SNX6: variants seen among roughly 807,000 people sequenced by gnomAD.
SNX6 encodes sorting nexin 6.
Under a neutral mutation model 63.0 loss-of-function variants are expected in SNX6, and 34 were observed. That is an observed-to-expected ratio of 0.54 (90% CI 0.41 to 0.72). The LOEUF is 0.72. Ranked by LOEUF, SNX6 falls within the 30% of genes least tolerant of loss-of-function variation. The pLI, the probability that SNX6 is intolerant of heterozygous loss-of-function variation, is 0.00. For synonymous variants in SNX6, 170 were observed against 164.2 expected (o/e 1.04, Z -0.27); for missense variants, 398 against 471.4 (o/e 0.84, Z 1.44).
rs555643409 is a variant in SNX6 at position 34,574,428 on chromosome 14, T to A, written c.921+1328A>T. ...ACTTTGGGAGGCCAAGGCATGCAGATCACCTGAGGTCAGGAGTTCGAGACC... is the reference window on the plus strand; with the variant it reads ...ACTTTGGGAGGCCAAGGCATGCAGAACACCTGAGGTCAGGAGTTCGAGACC... On this transcript the variant is annotated intron_variant, in intron 11 of 13. Coordinates refer to ENST00000362031, the MANE Select transcript of SNX6 (RefSeq NM_152233.4). Among the ~76,000 whole-genome samples, 5 of 148,428 alleles carry A rather than the reference T, an allele frequency of 3.4e-5. No individual in the cohort carries two copies. The East Asian group carries it at 1.0e-3, about 30-fold the overall frequency.
chr14:34,629,874 G>C (rs1274163642), intron 2 of SNX6, 33 bp downstream of exon 2: 1 of 1,551,756 alleles, frequency 6.4e-7, no homozygotes, highest in African/African-American at 1.4e-5. Context: ...GGAGGGTCCA[G>C]GGTCCCGCGA....
At chr14:34,568,103 C>G in intron 11 of SNX6, 90 bp from the exon 12 acceptor site, 1 of 1,082,814 alleles carries the variant, frequency 9.2e-7, no homozygotes. Context: ...CCACAACCAT[C>G]AGAGCTAACA....
intron 2 of SNX6, chr14:34,629,598 C>T (rs1883961164): frequency 4.7e-6 from 3 of 636,846 alleles, no homozygotes; most frequent in East Asian, 3.2e-5. Context: ...TGGGGGCGTT[C>T]CATCTCCCGC....
chr14:34,606,287 A>G (rs1883016400), intron 4 of SNX6, among the ~76,000 whole-genome samples: 1 of 150,350 alleles, frequency 6.7e-6, no homozygotes, highest in African/African-American at 2.5e-5. Context: ...CGCCCAACTA[A>G]TTTTTGTATT....
intron 2 of SNX6, among the ~76,000 whole-genome samples, chr14:34,610,554 T>G (rs1011928337): frequency 6.6e-6 from 1 of 152,104 alleles, no homozygotes; most frequent in Non-Finnish European, 1.5e-5. Context: ...TCAAATATAA[T>G]TAAACATATT....
At chr14:34,566,942 G>C (rs977876778) in intron 13 of SNX6, among the ~76,000 whole-genome samples, 6 of 152,118 alleles carry the variant, frequency 3.9e-5, no homozygotes, top group Admixed American at 1.3e-4. Flanking sequence ...AAAAAACCTG[G>C]CCGGGCATGG....
rs1049210614 is a variant in SNX6, at chr14:34,601,177, A to G, written c.516+2171T>C. Reference sequence around the variant, plus strand: ...TCCACAAGGCTTCGGAAGACTCCAAACTCAAATTTAAGAAACATTAGTCAA... The same window carrying G: ...TCCACAAGGCTTCGGAAGACTCCAAGCTCAAATTTAAGAAACATTAGTCAA... On this transcript the variant is annotated intron_variant, in intron 6 of 13. Coordinates refer to ENST00000362031, the MANE Select transcript of SNX6 (RefSeq NM_152233.4). 1.3e-4 allele frequency among the ~76,000 whole-genome samples: 19 copies of G among 151,976 alleles called. 1 individual carries two copies. In the East Asian group the frequency reaches 3.3e-3, roughly 26 times the overall value.
At position 34,593,059 on chromosome 14, in the gene SNX6, G is replaced by T; in HGVS notation, c.704C>A (p.Thr235Lys). The T allele has an allele frequency of 6.3e-7, 1 of 1,595,720 alleles. No homozygotes were observed. The highest frequency in any genetic ancestry group is 8.5e-7 in the Non-Finnish European group (1 of 1,172,180). ...KDASAKSDRM[T>K]RSHKSAADDY... ...AAAAATCTTACTTTTGTGGGATCTTGTCATTCTATCAGATTTAGCAGATGC... is the reference window on the plus strand; with the variant it reads ...AAAAATCTTACTTTTGTGGGATCTTTTCATTCTATCAGATTTAGCAGATGC... The change falls in exon 8 of 14, where the codon ACA becomes AAA. Residue 235 changes from threonine (T) to lysine (K), a missense_variant. Physicochemically the swap from Thr to Lys is moderately conservative, Grantham distance 78. Transcript: ENST00000362031.
chr14:34,571,173 T>C (rs978198653), intron 11 of SNX6, among the ~76,000 whole-genome samples: 15 of 151,668 alleles, frequency 9.9e-5, no homozygotes, highest in Non-Finnish European at 1.9e-4. Context: ...GTGGCTCACG[T>C]CTGTAATCCC....
chr14:34,617,550 G>A (rs1014158786), intron 2 of SNX6, among the ~76,000 whole-genome samples: 16 of 148,316 alleles, frequency 1.1e-4, no homozygotes, highest in Admixed American at 4.8e-4. Flanking sequence ...TGAGGCTGCC[G>A]TGGGCTGTGA....
At chr14:34,599,845 A>G (rs998354113) in intron 6 of SNX6, among the ~76,000 whole-genome samples, 1 of 151,650 alleles carries the variant, frequency 6.6e-6, no homozygotes, top group Non-Finnish European at 1.5e-5. Context: ...CCCTTCATCC[A>G]AACAGTCTTT....
intron 2 of SNX6, among the ~76,000 whole-genome samples, chr14:34,618,013 G>T (rs1048576438): frequency 6.6e-6 from 1 of 151,938 alleles, no homozygotes; most frequent in Non-Finnish European, 1.5e-5. Flanking sequence ...TCCCTAAGAC[G>T]TCAGTTGTTC....
chr14:34,585,033 G>C (rs566356326), intron 9 of SNX6, among the ~76,000 whole-genome samples: 1 of 151,890 alleles, frequency 6.6e-6, no homozygotes, highest in African/African-American at 2.4e-5. Flanking sequence ...TGTATTTTTA[G>C]TGGAGACAGG....
chr14:34,626,613 G>T (rs1017496911), intron 2 of SNX6, among the ~76,000 whole-genome samples: 1 of 144,252 alleles, frequency 6.9e-6, no homozygotes, highest in African/African-American at 2.6e-5. Context: ...AGCTTGCAGC[G>T]AGCTGAGATC....
At chr14:34,574,471 GA>G (rs1459964521) in intron 11 of SNX6, among the ~76,000 whole-genome samples, 1 of 151,516 alleles carries the variant, frequency 6.6e-6, no homozygotes, top group African/African-American at 2.4e-5. Flanking sequence ...CCAACATAGG[GA>G]AATCCCGCCT....
intron 11 of SNX6, among the ~76,000 whole-genome samples, chr14:34,571,548 T>C (rs961072286): frequency 6.6e-6 from 1 of 152,070 alleles, no homozygotes; most frequent in Non-Finnish European, 1.5e-5. Flanking sequence ...CTATATAACA[T>C]TCTAGAAAAA....
intron 13 of SNX6, among the ~76,000 whole-genome samples, chr14:34,566,826 T>A (rs575975853): frequency 1.4e-4 from 21 of 152,156 alleles, no homozygotes; most frequent in African/African-American, 4.8e-4. Context: ...TCCCAGCTAC[T>A]CGGGAGGCTG....
At chr14:34,593,560 A>G (rs1882483015) in intron 7 of SNX6, among the ~76,000 whole-genome samples, 1 of 143,426 alleles carries the variant, frequency 7.0e-6, no homozygotes, top group African/African-American at 2.6e-5. Context: ...CACCACACCC[A>G]GCTAATTTCT....
chr14:34,598,798 C>A (rs897718425), intron 6 of SNX6, among the ~76,000 whole-genome samples: 5 of 152,130 alleles, frequency 3.3e-5, no homozygotes, highest in Admixed American at 3.3e-4. Flanking sequence ...GTGGGAGGAT[C>A]ATTTGACGCC....
Sources: gnomAD v4.1 joint callset for allele counts (sites outside exome capture counted in the v4.1 genomes callset) on GRCh38, gnomAD v4.1.1 for gene constraint, MANE v1.5 for transcripts, NCBI Gene and HGNC (gene_info 2026-07-23, HGNC 2026-07-21) for gene names.